The following PLXNA4 variants were observed in gnomAD, a reference collection of about 807,000 sequenced individuals.
PLXNA4 encodes plexin A4.
Under a neutral mutation model 191.8 loss-of-function variants are expected in PLXNA4, and 44 were observed. That is an observed-to-expected ratio of 0.23 (90% CI 0.18 to 0.29). The LOEUF is 0.29. Among genes scored for constraint, PLXNA4 ranks in the 10% least tolerant of loss-of-function variants. The pLI is 1.00. For missense variants in PLXNA4, 1,800 were observed against 2,488.8 expected, an observed-to-expected ratio of 0.72 and a Z score of 5.89; for synonymous variants, 1,082 against 1,009.5, an observed-to-expected ratio of 1.07 and a Z score of -1.36.
intron 3 of PLXNA4, among the ~76,000 whole-genome samples, chr7:132,423,612 A>C (rs10272598): frequency 0.096 from 14,547 of 152,228 alleles, 1,141 homozygotes; most frequent in African/African-American, 0.19. Context: ...ATAAAAGCTC[A>C]TTTCAGCAAA....
chr7:132,260,245 T>A (rs1478810838), intron 4 of PLXNA4, among the ~76,000 whole-genome samples: 1 of 152,154 alleles, frequency 6.6e-6, no homozygotes, highest in Non-Finnish European at 1.5e-5. Flanking sequence ...AGCAAAGACA[T>A]GGAGTCAACC....
rs566819063 is a variant in PLXNA4 at position 132,338,820 on chromosome 7, G to A, written c.1372-40598C>T. Among the ~76,000 whole-genome samples, 9 of 152,202 alleles carry A rather than the reference G, an allele frequency of 5.9e-5. No homozygotes were observed. In the East Asian group the frequency reaches 7.7e-4, roughly 13 times the overall value. On this transcript the variant is annotated intron_variant, in intron 3 of 31. Coordinates refer to ENST00000321063, the MANE Select transcript of PLXNA4 (RefSeq NM_020911.2). Reference sequence around the variant, plus strand: ...ACAACCCCAACCACCCACTTCCCTCGTCAGGTACCCATCCTCTGGACAGGA... The same window carrying A: ...ACAACCCCAACCACCCACTTCCCTCATCAGGTACCCATCCTCTGGACAGGA...
At chr7:132,473,248 T>A (rs983999633) in intron 3 of PLXNA4, among the ~76,000 whole-genome samples, 1 of 152,104 alleles carries the variant, frequency 6.6e-6, no homozygotes, top group Admixed American at 6.5e-5. Flanking sequence ...GGCTCTGAAG[T>A]TGGTTTTTCT....
At chr7:132,567,971 A>G (rs1801810386) in intron 1 of PLXNA4, among the ~76,000 whole-genome samples, 1 of 152,112 alleles carries the variant, frequency 6.6e-6, no homozygotes, top group Non-Finnish European at 1.5e-5. Context: ...TTTAGGGAGG[A>G]AGATAGGGTC....
rs142997259 is a variant in PLXNA4, at chr7:132,489,393, C to T, written c.1270G>A (p.Val424Ile). The change falls in exon 3 of 32, where the codon GTC becomes ATC. Residue 424 changes from valine (V) to isoleucine (I), a missense_variant. Val to Ile is a conservative substitution (Grantham distance 29). This residue lies in a region of PLXNA4 where 1,397 missense variants were observed against 1,880.4 expected (regional missense o/e 0.74). Coordinates refer to ENST00000321063, the MANE Select transcript of PLXNA4 (RefSeq NM_020911.2). Reference sequence around the variant, plus strand: ...ATGCGGTCCCTGTCCTCCGTGAAGACGGGAATTCCACGCACCATGTCGGAC... The same window carrying T: ...ATGCGGTCCCTGTCCTCCGTGAAGATGGGAATTCCACGCACCATGTCGGAC... ...GVSDMVRGIP[V>I]FTEDRDRMTS... The T allele has an allele frequency of 2.8e-3, 4,535 of 1,606,284 alleles. 11 individuals carry two copies. Among genetic ancestry groups the T allele is most frequent in the Non-Finnish European group, 2.9e-3 (3,409 of 1,173,400 alleles).
chr7:132,574,193 G>A (rs185132234), intron 1 of PLXNA4, among the ~76,000 whole-genome samples: 72 of 152,302 alleles, frequency 4.7e-4, no homozygotes, highest in African/African-American at 1.5e-3. Flanking sequence ...CTGAGGCTGC[G>A]AATACATGAG....
chr7:132,198,807 A>C (rs1225071632), intron 12 of PLXNA4, among the ~76,000 whole-genome samples, 171 bp from the exon 13 acceptor site: 1 of 152,178 alleles, frequency 6.6e-6, no homozygotes, highest in Non-Finnish European at 1.5e-5. Flanking sequence ...AGTAGCTTCT[A>C]GGAAAGCAGT....
intron 2 of PLXNA4, among the ~76,000 whole-genome samples, chr7:132,610,435 G>A (rs755490743): frequency 3.9e-5 from 6 of 152,266 alleles, no homozygotes; most frequent in East Asian, 1.9e-4. Flanking sequence ...TCTCATCCTC[G>A]TCCTCTGAAG....
intron 12 of PLXNA4, among the ~76,000 whole-genome samples, chr7:132,201,500 C>T (rs915378065): frequency 1.3e-5 from 2 of 152,202 alleles, no homozygotes; most frequent in Non-Finnish European, 1.5e-5. Context: ...GGTACCAGTT[C>T]GTCCTCACTG....
chr7:132,625,087 T>G (rs1004738567), intron 2 of PLXNA4, among the ~76,000 whole-genome samples: 1 of 152,242 alleles, frequency 6.6e-6, no homozygotes, highest in African/African-American at 2.4e-5. Context: ...TTCTTCTTTG[T>G]TCTTCAAACT....
chr7:132,490,085 G>A (rs1490751545), intron 2 of PLXNA4, among the ~76,000 whole-genome samples: 1 of 152,226 alleles, frequency 6.6e-6, no homozygotes, highest in African/African-American at 2.4e-5. Context: ...AATGGGGGAA[G>A]GAATGTGCTG....
chr7:132,542,590 ACTT>A (rs952722836), intron 1 of PLXNA4, among the ~76,000 whole-genome samples: 35 of 150,806 alleles, frequency 2.3e-4, no homozygotes, highest in Non-Finnish European at 3.7e-4. Context: ...TTCAAATAAT[ACTT>A]CTTCATTTTT....
intron 3 of PLXNA4, among the ~76,000 whole-genome samples, chr7:132,467,358 C>T (rs889412589): frequency 6.6e-6 from 1 of 152,162 alleles, no homozygotes; most frequent in Non-Finnish European, 1.5e-5. Context: ...CTCAGGGTTC[C>T]GCCTGAGACC....
At chr7:132,476,952 G>A (rs1184046886) in intron 3 of PLXNA4, among the ~76,000 whole-genome samples, 4 of 152,074 alleles carry the variant, frequency 2.6e-5, no homozygotes, top group Admixed American at 2.6e-4. Context: ...GAGGAAAAAA[G>A]TAAATCACAG....
chr7:132,327,653 G>A (rs189290687), intron 3 of PLXNA4, among the ~76,000 whole-genome samples: 126 of 152,298 alleles, frequency 8.3e-4, no homozygotes, highest in Non-Finnish European at 1.4e-3. Flanking sequence ...GGACACAGAG[G>A]TGAACACTGT....
chr7:132,167,886 C>T (rs1037080540), intron 22 of PLXNA4, among the ~76,000 whole-genome samples: 2 of 152,084 alleles, frequency 1.3e-5, no homozygotes, highest in East Asian at 1.9e-4. Context: ...AGTGTGCTCC[C>T]GATGCTGTCC....
At chr7:132,342,020 G>T (rs1364312963) in intron 3 of PLXNA4, among the ~76,000 whole-genome samples, 5 of 151,586 alleles carry the variant, frequency 3.3e-5, no homozygotes, top group African/African-American at 1.2e-4. Context: ...TGATCTTAAT[G>T]GTCTAAGCAC....
chr7:132,195,822 C>G (rs904889776), intron 13 of PLXNA4, among the ~76,000 whole-genome samples: 8 of 152,156 alleles, frequency 5.3e-5, no homozygotes, highest in Non-Finnish European at 1.0e-4. Context: ...ATGATTTTCT[C>G]CACGCTTGTC....
chr7:132,416,681 A>G (rs1794672582), intron 3 of PLXNA4, among the ~76,000 whole-genome samples: 1 of 152,236 alleles, frequency 6.6e-6, no homozygotes, highest in African/African-American at 2.4e-5. Flanking sequence ...AGAATGAGAC[A>G]TTGAACATTT....
Sources: allele counts gnomAD v4.1 joint callset (sites outside exome capture counted in the v4.1 genomes callset), GRCh38; gene constraint gnomAD v4.1.1; regional missense constraint gnomAD v4.1.1; transcripts MANE v1.5; gene names NCBI Gene and HGNC (gene_info 2026-07-23, HGNC 2026-07-21).